The following DSCAM variants were observed in gnomAD, a reference collection of about 807,000 sequenced individuals.
The protein encoded by DSCAM is cell adhesion molecule DSCAM.
In DSCAM, 47 loss-of-function variants were observed where a neutral mutation model predicts 217.7. The observed-to-expected ratio is 0.22, with a 90% CI of 0.17 to 0.28. The LOEUF (loss-of-function observed/expected upper bound fraction) is 0.28. DSCAM is among the 10% of genes least tolerant of loss of function. The pLI is 1.00. For missense variants in DSCAM, 2,080 were observed against 2,618.3 expected (o/e 0.79, Z 4.49); for synonymous variants, 1,056 against 1,015.3 (o/e 1.04, Z -0.76).
At position 40,037,193 on chromosome 21, in the gene DSCAM, G is replaced by C. The variant is rs913718718; in HGVS notation, c.5686+5178C>G. ...CAATTAGGCAGGAGAAGGAAATAAA[G>C]GGTATTCAAGTAGGAAAAGAGGAAG... On this transcript the variant is annotated intron_variant, in intron 32 of 32. Transcript: ENST00000400454. Among the ~76,000 whole-genome samples the C allele has an allele frequency of 3.8e-3, 570 of 149,090 alleles. 36 individuals carry two copies. The highest frequency in any genetic ancestry group is 0.014 in the African/African-American group (546 of 39,006).
At chr21:40,392,255 A>C (rs2075140465) in intron 3 of DSCAM, among the ~76,000 whole-genome samples, 1 of 152,188 alleles carries the variant, frequency 6.6e-6, no homozygotes, top group Admixed American at 6.5e-5. Flanking sequence ...ATTTATGTAC[A>C]GGTATTAAGA....
intron 32 of DSCAM, among the ~76,000 whole-genome samples, chr21:40,025,579 T>G (rs886287807): frequency 6.6e-6 from 1 of 150,714 alleles, no homozygotes; most frequent in African/African-American, 2.5e-5. Context: ...GAGATTCAAC[T>G]TCTTCCTGGT....
At chr21:40,658,374 C>A (rs2090098996) in intron 3 of DSCAM, among the ~76,000 whole-genome samples, 1 of 152,198 alleles carries the variant, frequency 6.6e-6, no homozygotes, top group South Asian at 2.1e-4. Context: ...GACAAATGTG[C>A]CTCTCAGGCT....
At chr21:40,836,448 C>A (rs1311589859) in intron 1 of DSCAM, among the ~76,000 whole-genome samples, 1 of 152,150 alleles carries the variant, frequency 6.6e-6, no homozygotes, top group Non-Finnish European at 1.5e-5. Flanking sequence ...ATCTACATAC[C>A]CCTCTACTCA....
chr21:40,581,598 G>A (rs1481021493), intron 3 of DSCAM, among the ~76,000 whole-genome samples: 2 of 152,138 alleles, frequency 1.3e-5, no homozygotes, highest in Admixed American at 1.3e-4. Context: ...GAAACTGGGA[G>A]AAAGTGTGAG....
At chr21:40,530,513 T>C (rs1229144734) in intron 3 of DSCAM, among the ~76,000 whole-genome samples, 1 of 152,192 alleles carries the variant, frequency 6.6e-6, no homozygotes, top group African/African-American at 2.4e-5. Context: ...TTCTGAGCAA[T>C]TGCATATCCA....
intron 3 of DSCAM, among the ~76,000 whole-genome samples, chr21:40,681,868 C>G (rs1015903260): frequency 6.6e-6 from 1 of 152,128 alleles, no homozygotes; most frequent in Non-Finnish European, 1.5e-5. Flanking sequence ...TTCTGCAAGT[C>G]AAGGATGCCA....
chr21:40,680,789 G>A (rs936877291), intron 3 of DSCAM, among the ~76,000 whole-genome samples: 17 of 152,096 alleles, frequency 1.1e-4, no homozygotes, highest in Non-Finnish European at 1.9e-4. Flanking sequence ...ATGCAACTTT[G>A]CAAATAGAAT....
chr21:40,524,015 G>C (rs2837671), intron 3 of DSCAM, among the ~76,000 whole-genome samples: 10,217 of 152,268 alleles, frequency 0.067, 491 homozygotes, highest in Middle Eastern at 0.13. Flanking sequence ...TTAAGAACTT[G>C]AGTGAATGTG....
chr21:40,630,367 A>G (rs967031321), intron 3 of DSCAM, among the ~76,000 whole-genome samples: 9 of 152,318 alleles, frequency 5.9e-5, no homozygotes, highest in East Asian at 5.8e-4. Context: ...TGTATATTTT[A>G]CCACAACAAA....
At chr21:40,347,998 C>A in intron 5 of DSCAM, 53 bp from the exon 6 acceptor site, 1 of 1,550,696 alleles carries the variant, frequency 6.4e-7, no homozygotes, top group Non-Finnish European at 8.7e-7. Flanking sequence ...CACTAGATAG[C>A]ATTTCGACAA....
At chr21:40,407,697 T>C (rs1291702317) in intron 3 of DSCAM, among the ~76,000 whole-genome samples, 1 of 152,224 alleles carries the variant, frequency 6.6e-6, no homozygotes, top group African/African-American at 2.4e-5. Flanking sequence ...ATTTGGGCTG[T>C]CTCAGCTGAG....
chr21:40,602,944 C>A (rs967870739), intron 3 of DSCAM, among the ~76,000 whole-genome samples: 3 of 117,728 alleles, frequency 2.5e-5, no homozygotes, highest in Admixed American at 9.9e-5. Flanking sequence ...AATCTTTTTT[C>A]TTTTCTAATC....
intron 11 of DSCAM, among the ~76,000 whole-genome samples, chr21:40,212,043 C>A (rs556355111): frequency 6.6e-6 from 1 of 151,970 alleles, no homozygotes; most frequent in South Asian, 2.1e-4. Flanking sequence ...AATCTCTGCT[C>A]TCTGCAGCTT....
At chr21:40,022,209 C>T (rs2088284794) in intron 32 of DSCAM, among the ~76,000 whole-genome samples, 1 of 152,092 alleles carries the variant, frequency 6.6e-6, no homozygotes, top group South Asian at 2.1e-4. Context: ...GCTTTGTCCC[C>T]AGGGGACATG....
rs137951752 is a variant in DSCAM at position 40,459,749 on chromosome 21, G to A, written c.509-90504C>T. Among the ~76,000 whole-genome samples, 295 of 151,888 alleles carry A rather than the reference G, an allele frequency of 1.9e-3. 1 individual carries two copies. Among genetic ancestry groups the A allele is most frequent in the African/African-American group, 7.0e-3 (289 of 41,464 alleles). Reference sequence around the variant, plus strand: ...AATATGAAAGATATTTTTTTCTCCAGCAAAGTAATCCAGTTTTAAAGTAAA... The same window carrying A: ...AATATGAAAGATATTTTTTTCTCCAACAAAGTAATCCAGTTTTAAAGTAAA... On this transcript the variant is annotated intron_variant, in intron 3 of 32. Coordinates refer to ENST00000400454, the MANE Select transcript of DSCAM (RefSeq NM_001389.5).
At chr21:40,664,653 C>T (rs1000823382) in intron 3 of DSCAM, among the ~76,000 whole-genome samples, 1 of 152,196 alleles carries the variant, frequency 6.6e-6, no homozygotes, top group East Asian at 1.9e-4. Context: ...GTCCATTGCT[C>T]CACAGACGTG....
chr21:40,608,722 A>T (rs2089275033), intron 3 of DSCAM, among the ~76,000 whole-genome samples: 1 of 152,204 alleles, frequency 6.6e-6, no homozygotes. Context: ...GGAAACATTG[A>T]TTCATTTTAA....
At chr21:40,310,753 C>A (rs569072367) in intron 9 of DSCAM, among the ~76,000 whole-genome samples, 1 of 152,292 alleles carries the variant, frequency 6.6e-6, no homozygotes, top group African/African-American at 2.4e-5. Flanking sequence ...GTTAACTCTG[C>A]TTATAAGAAA....
Sources: gnomAD v4.1 joint callset for allele counts (sites outside exome capture counted in the v4.1 genomes callset) on GRCh38, gnomAD v4.1.1 for gene constraint, MANE v1.5 for transcripts, NCBI Gene and HGNC (gene_info 2026-07-23, HGNC 2026-07-21) for gene names.